The following PLEKHM3 variants were observed in gnomAD, a reference collection of about 807,000 sequenced individuals.
PLEKHM3 encodes the protein pleckstrin homology domain containing M3, also known as pleckstrin homology domain-containing family M member 3.
PLEKHM3 carries 45 observed loss-of-function variants against 81.8 expected under a neutral mutation model. The ratio of observed to expected loss-of-function variants is 0.55; its 90% CI spans 0.43 to 0.71. PLEKHM3 has a LOEUF of 0.71. PLEKHM3 is among the 30% of genes least tolerant of loss of function. The pLI is 0.00. For synonymous variants in PLEKHM3, 352 were observed against 356.4 expected, an observed-to-expected ratio of 0.99 and a Z score of 0.14; for missense variants, 788 against 924.3, an observed-to-expected ratio of 0.85 and a Z score of 1.91.
chr2:208,001,188 C>T lies in PLEKHM3; in HGVS notation c.452G>A (p.Arg151Gln), dbSNP rs1458098801. The T allele has an allele frequency of 1.9e-6, 3 of 1,614,062 alleles. No homozygotes were observed. Among genetic ancestry groups the T allele is most frequent in the East Asian group, 2.2e-5 (1 of 44,876 alleles). Residue 151 changes from arginine to glutamine, a missense_variant, in exon 2 of 8, where the codon CGA becomes CAA. Coordinates refer to ENST00000427836, the MANE Select transcript of PLEKHM3 (RefSeq NM_001080475.3). ...STFKPGHARSRSDITQVDWRV... is the reference protein window; with the variant it reads ...STFKPGHARSQSDITQVDWRV... ...CCAGTCCACTTGGGTAATATCTGATCGTGATCGAGCATGCCCTGGCTTGAA... is the reference window on the plus strand; with the variant it reads ...CCAGTCCACTTGGGTAATATCTGATTGTGATCGAGCATGCCCTGGCTTGAA...
At chr2:207,831,372 G>A (rs950519025) in intron 7 of PLEKHM3, among the ~76,000 whole-genome samples, 3 of 152,338 alleles carry the variant, frequency 2.0e-5, no homozygotes, top group South Asian at 4.1e-4. Flanking sequence ...CGAGCACCAC[G>A]CTGCCGGCTG....
chr2:207,974,381 G>A (rs1439936337), intron 3 of PLEKHM3, among the ~76,000 whole-genome samples: 13 of 152,186 alleles, frequency 8.5e-5, no homozygotes, highest in Admixed American at 8.5e-4. Context: ...GCAGAGCATG[G>A]GCAGTGCACA....
chr2:207,999,535 T>A (rs1363152511), intron 2 of PLEKHM3, among the ~76,000 whole-genome samples: 1 of 151,986 alleles, frequency 6.6e-6, no homozygotes, highest in East Asian at 1.9e-4. Flanking sequence ...GAGCCAAGAG[T>A]TTGAGGCTGC....
rs773959625 is a variant in PLEKHM3, at chr2:207,976,862, C to T, written c.1335G>A (p.Gln445=). 21 of 1,614,242 alleles carry T rather than the reference C, an allele frequency of 1.3e-5. No homozygotes were observed. Among genetic ancestry groups the T allele is most frequent in the Non-Finnish European group, 1.8e-5 (21 of 1,180,052 alleles). ...CTATCTTCAGAGCCTCCATCCATTC[C>T]TGAGCCCTCTGTCGGGTCTCAGCTC... ...RLRAETRQRA[Q]EWMEALKIAA... is the part of the protein sequence containing the mutation. Residue 445 remains glutamine, a synonymous_variant, in exon 3 of 8, where the codon CAG becomes CAA. Coordinates refer to ENST00000427836, the MANE Select transcript of PLEKHM3 (RefSeq NM_001080475.3). The surrounding 1 kb of genome is among the most constrained non-coding windows in gnomAD (Gnocchi z 4.1).
chr2:207,883,072 T>G (rs1687753630), intron 6 of PLEKHM3, among the ~76,000 whole-genome samples: 1 of 152,166 alleles, frequency 6.6e-6, no homozygotes, highest in African/African-American at 2.4e-5. Context: ...CAACTTAGGA[T>G]GCTCCACACC....
chr2:207,975,674 G>C (rs1170059394), intron 3 of PLEKHM3, among the ~76,000 whole-genome samples: 3 of 128,558 alleles, frequency 2.3e-5, no homozygotes, highest in African/African-American at 6.0e-5. Context: ...TTGGCTCACT[G>C]CAACCTCTGC....
chr2:207,974,798 A>G (rs1321894596), intron 3 of PLEKHM3, among the ~76,000 whole-genome samples: 4 of 152,034 alleles, frequency 2.6e-5, no homozygotes, highest in Admixed American at 6.6e-5. Context: ...CAGGTCTTTC[A>G]TACCTACAGA....
At chr2:207,937,132 T>C (rs1196902449) in intron 4 of PLEKHM3, among the ~76,000 whole-genome samples, 1 of 152,160 alleles carries the variant, frequency 6.6e-6, no homozygotes, top group Non-Finnish European at 1.5e-5. Context: ...TTTTTGAACC[T>C]TGAACTTTCT....
intron 7 of PLEKHM3, among the ~76,000 whole-genome samples, chr2:207,833,714 C>T (rs2092301697): frequency 6.6e-6 from 1 of 152,200 alleles, no homozygotes; most frequent in South Asian, 2.1e-4. Context: ...TCTCCAAACA[C>T]TGCCAAATGC....
chr2:207,930,777 CAG>C, intron 5 of PLEKHM3, 147 bp downstream of exon 5: 1 of 829,150 alleles, frequency 1.2e-6, no homozygotes, highest in Non-Finnish European at 1.9e-6. Flanking sequence ...AAGATGAGCC[CAG>C]AGAGAGGCTG....
chr2:207,934,509 A>C (rs1689685020), intron 4 of PLEKHM3, among the ~76,000 whole-genome samples: 1 of 152,210 alleles, frequency 6.6e-6, no homozygotes, highest in Non-Finnish European at 1.5e-5. Flanking sequence ...TGTAGCTTAT[A>C]AACAGAACAG....
chr2:207,992,293 A>T (rs1691924689), intron 2 of PLEKHM3, among the ~76,000 whole-genome samples: 1 of 152,222 alleles, frequency 6.6e-6, no homozygotes, highest in Non-Finnish European at 1.5e-5. Context: ...TCTAAGCCTC[A>T]GTTTCCTCAT....
intron 7 of PLEKHM3, among the ~76,000 whole-genome samples, chr2:207,859,883 C>G (rs1256578237): frequency 6.6e-6 from 1 of 152,192 alleles, no homozygotes; most frequent in Non-Finnish European, 1.5e-5. Flanking sequence ...AGGCGTGAGC[C>G]ACCGCACCCA....
intron 6 of PLEKHM3, among the ~76,000 whole-genome samples, chr2:207,862,906 G>A (rs2105814830): frequency 6.6e-6 from 1 of 152,242 alleles, no homozygotes; most frequent in Non-Finnish European, 1.5e-5. Context: ...GCCAGACAGG[G>A]TACCCTCCCA....
intron 1 of PLEKHM3, among the ~76,000 whole-genome samples, chr2:208,002,876 A>G (rs966359183): frequency 6.6e-6 from 1 of 152,064 alleles, no homozygotes; most frequent in African/African-American, 2.4e-5. Flanking sequence ...TCACATTTCA[A>G]GTGCCCAACT....
At chr2:207,880,777 AAAAAAAAAAAAC>A (rs2092586156) in intron 6 of PLEKHM3, among the ~76,000 whole-genome samples, 1 of 137,722 alleles carries the variant, frequency 7.3e-6, no homozygotes, top group African/African-American at 2.6e-5. Context: ...AAAAAAAAAA[AAAAAAAAAAAAC>A]CAAAAAAACA....
At position 207,995,597 on chromosome 2, in the gene PLEKHM3, T is replaced by C. The variant is rs76920799; in HGVS notation, c.610+5433A>G. Among the ~76,000 whole-genome samples, 673 of 152,320 alleles carry C rather than the reference T, an allele frequency of 4.4e-3. 7 individuals are homozygous for C. Among genetic ancestry groups the C allele is most frequent in the African/African-American group, 0.015 (641 of 41,568 alleles). ...ATTTGAACAAGTTACTTATGCTCCC[T>C]GTGCCTCAGTTTCATCATCCTTAAA... On this transcript the variant is annotated intron_variant, in intron 2 of 7. Transcript: ENST00000427836.
chr2:208,010,026 C>T (rs192266812), intron 1 of PLEKHM3, among the ~76,000 whole-genome samples: 574 of 152,294 alleles, frequency 3.8e-3, no homozygotes, highest in Middle Eastern at 0.01. Context: ...GAAACCAAAG[C>T]ACCTATGCAT....
chr2:207,932,682 G>C (rs770893688), intron 4 of PLEKHM3, among the ~76,000 whole-genome samples: 4 of 152,162 alleles, frequency 2.6e-5, no homozygotes, highest in Non-Finnish European at 5.9e-5. Flanking sequence ...AAGAGGTATG[G>C]ATGGGGCCCA....
Sources: allele counts gnomAD v4.1 joint callset (sites outside exome capture counted in the v4.1 genomes callset), GRCh38; gene constraint gnomAD v4.1.1; non-coding constraint Gnocchi (gnomAD v3.1); transcripts MANE v1.5; gene names NCBI Gene and HGNC (gene_info 2026-07-23, HGNC 2026-07-21).